Variants in HERC1 observed in about 807,000 individuals in gnomAD.
The protein encoded by HERC1 is HECT and RLD domain containing E3 ubiquitin protein ligase family member 1, also known as probable E3 ubiquitin-protein ligase HERC1.
In HERC1, 160 loss-of-function variants were observed where a neutral mutation model predicts 554.3. That is an observed-to-expected ratio of 0.29 (90% CI 0.25 to 0.33). The LOEUF (loss-of-function observed/expected upper bound fraction) is 0.33, where lower values mean the gene tolerates loss of function less well. Ranked by LOEUF, HERC1 falls within the 10% of genes least tolerant of loss-of-function variation. HERC1 has a pLI of 1.00. For missense variants in HERC1, 4,919 were observed against 5,918.5 expected (o/e 0.83, Z 5.54); for synonymous variants, 2,175 against 2,131.7 (o/e 1.02, Z -0.56).
At chr15:63,833,799 G>A (rs746982333) in intron 1 of HERC1, 28 bp downstream of exon 1, 1 of 147,248 alleles carries the variant, frequency 6.8e-6, no homozygotes, top group Non-Finnish European at 1.5e-5. Context: ...ACAGGACCAG[G>A]AGGACGGTAG....
intron 33 of HERC1, among the ~76,000 whole-genome samples, chr15:63,686,747 A>G (rs747915995): frequency 4.3e-4 from 66 of 152,334 alleles, no homozygotes; most frequent in Admixed American, 5.9e-4. Flanking sequence ...AGACAAATAC[A>G]TACTGCTAGT....
chr15:63,694,364 C>T lies in HERC1; in HGVS notation c.5428G>A (p.Ala1810Thr), dbSNP rs775442591. The T allele has an allele frequency of 9.9e-6, 16 of 1,613,844 alleles. No homozygotes were observed. Reference sequence around the variant, plus strand: ...AACCTTGTACTGGCCACTTTCAAAGCTGTGCTAAGCTGGGAAACACCCGTC... The same window carrying T: ...AACCTTGTACTGGCCACTTTCAAAGTTGTGCTAAGCTGGGAAACACCCGTC... ...PKTGVSQLST[A>T]LKVASTRLLQ... Residue 1810 changes from alanine to threonine, a missense_variant, in exon 29 of 78, where the codon GCT (alanine) becomes ACT (threonine). Physicochemically the swap from Ala to Thr is moderately conservative, Grantham distance 58. Coordinates refer to ENST00000443617, the MANE Select transcript of HERC1 (RefSeq NM_003922.4). This position sits in a 1 kb window ranked among gnomAD's most constrained non-coding sequence, Gnocchi z 4.3.
chr15:63,673,978 G>A (rs1199721206), intron 38 of HERC1, among the ~76,000 whole-genome samples: 2 of 152,164 alleles, frequency 1.3e-5, no homozygotes, highest in African/African-American at 4.8e-5. Context: ...GCCCACCTCG[G>A]CCTCCCAAAG....
chr15:63,617,507 C>T (rs995591283), intron 74 of HERC1, among the ~76,000 whole-genome samples: 8 of 152,156 alleles, frequency 5.3e-5, no homozygotes, highest in African/African-American at 1.2e-4. Context: ...GTTTTATAAT[C>T]CTTTGGGTAT....
At chr15:63,767,550 T>C (rs1455957507) in intron 2 of HERC1, among the ~76,000 whole-genome samples, 1 of 152,076 alleles carries the variant, frequency 6.6e-6, no homozygotes, top group Admixed American at 6.5e-5. Context: ...TACAAAATTT[T>C]AGCCGGGCGT....
At chr15:63,683,679 C>A (rs1302633845) in intron 34 of HERC1, among the ~76,000 whole-genome samples, 1 of 152,188 alleles carries the variant, frequency 6.6e-6, no homozygotes, top group Non-Finnish European at 1.5e-5. Context: ...GATAGGGTCT[C>A]TTTCTGTTAC....
intron 24 of HERC1, among the ~76,000 whole-genome samples, chr15:63,709,983 A>T (rs2073211402): frequency 6.6e-6 from 1 of 152,208 alleles, no homozygotes; most frequent in Non-Finnish European, 1.5e-5. Flanking sequence ...AAGGAAGCCT[A>T]GGAGAACTTT....
chr15:63,703,558 T>C (rs1403482772), intron 25 of HERC1, among the ~76,000 whole-genome samples: 1 of 152,016 alleles, frequency 6.6e-6, no homozygotes, highest in African/African-American at 2.4e-5. Flanking sequence ...ACATTTTACA[T>C]TTCCTCCTCA....
At chr15:63,641,789 G>A (rs1331442154) in intron 59 of HERC1, 146 bp from the exon 60 acceptor site, 1 of 601,222 alleles carries the variant, frequency 1.7e-6, no homozygotes, top group Non-Finnish European at 2.6e-6. Flanking sequence ...TGCTTTTAAT[G>A]CCTATGGAAC....
chr15:63,729,503 A>G lies in HERC1; in HGVS notation c.3015T>C (p.Ile1005=). Residue 1005 remains isoleucine, a synonymous_variant, in exon 15 of 78, where the codon ATT becomes ATC. Transcript: ENST00000443617. ...QLLAFCHINN[I]SENSSSVALL... is the part of the protein sequence containing the mutation. ...AAGACAAATAATCGCATACCTCACT[A>G]ATGTTATTGATATGGCAAAATGCCA... 1.2e-6 allele frequency: 2 copies of G among 1,613,440 alleles called. No individual in the cohort carries two copies. Among genetic ancestry groups the G allele is most frequent in the South Asian group, 2.2e-5 (2 of 91,072 alleles).
intron 61 of HERC1, among the ~76,000 whole-genome samples, chr15:63,639,409 G>C (rs545576527): frequency 1.3e-5 from 2 of 152,234 alleles, no homozygotes; most frequent in East Asian, 1.9e-4. Context: ...TAGTCTTGTT[G>C]CAAGTAGGCT....
rs1216606930 is a variant in HERC1, at chr15:63,626,006, C to A, written c.13254G>T (p.Leu4418=). The change falls in exon 71 of 78, where the codon CTG becomes CTT. Residue 4418 remains leucine (L), a synonymous_variant. Coordinates refer to ENST00000443617, the MANE Select transcript of HERC1 (RefSeq NM_003922.4). ...SDLMYSSWRL[L]NLSPNNQNST... is the part of the protein sequence containing the mutation. ...TTACCTGGTTGTTGGGGCTAAGGTTCAGCAGTCTCCAGGATGAGTACATGA... is the reference window on the plus strand; with the variant it reads ...TTACCTGGTTGTTGGGGCTAAGGTTAAGCAGTCTCCAGGATGAGTACATGA... 2 of 1,610,738 alleles carry A rather than the reference C, an allele frequency of 1.2e-6. No individual in the cohort carries two copies. The highest frequency in any genetic ancestry group is 1.7e-6 in the Non-Finnish European group (2 of 1,178,484).
In HERC1 at chr15:63,723,320, A is replaced by G. The variant is rs1263043620; in HGVS notation, c.3604T>C (p.Ser1202Pro). The G allele has an allele frequency of 6.3e-7, 1 of 1,594,704 alleles. No individual in the cohort carries two copies. Among genetic ancestry groups the G allele is most frequent in the Non-Finnish European group, 8.5e-7 (1 of 1,169,750 alleles). ...CMSCLLEVAL[S>P]GNEEQKPFDY... ...AAAGGCTTCTGTTCTTCATTTCCAGAAAGTGCTACTTCTAACAGGCAACTC... is the reference window on the plus strand; with the variant it reads ...AAAGGCTTCTGTTCTTCATTTCCAGGAAGTGCTACTTCTAACAGGCAACTC... Residue 1202 changes from serine to proline, a missense_variant, in exon 19 of 78, where the codon TCT (serine) becomes CCT (proline). Coordinates refer to ENST00000443617, the MANE Select transcript of HERC1 (RefSeq NM_003922.4).
Position 63,643,457 on chromosome 15 carries a change from A to G in HERC1, c.11278T>C (p.Leu3760=). The G allele has an allele frequency of 6.2e-7, 1 of 1,613,426 alleles. No individual in the cohort carries two copies. The highest frequency in any genetic ancestry group is 8.5e-7 in the Non-Finnish European group (1 of 1,179,606). Residue 3760 remains leucine, a synonymous_variant, in exon 58 of 78, where the codon TTG becomes CTG. Coordinates refer to ENST00000443617, the MANE Select transcript of HERC1 (RefSeq NM_003922.4). ...CCTAGTCCACCAGACACCAGGGCCA[A>G]CCCATCAGAACTAAAGGCAACAGTC... ...VRTVAFSSDG[L]ALVSGGLGGL...
intron 65 of HERC1, 140 bp downstream of exon 65, chr15:63,635,821 G>T: frequency 2.2e-6 from 2 of 915,018 alleles, no homozygotes; most frequent in Non-Finnish European, 3.3e-6. Flanking sequence ...GAATGAATCT[G>T]AACATCCAAA....
chr15:63,652,324 G>A, intron 52 of HERC1, 90 bp downstream of exon 52: 1 of 1,220,250 alleles, frequency 8.2e-7, no homozygotes, highest in Non-Finnish European at 1.1e-6. Context: ...AAAAATTTTA[G>A]TGACAATATG....
intron 12 of HERC1, among the ~76,000 whole-genome samples, chr15:63,735,541 T>C (rs1277926987): frequency 8.0e-6 from 1 of 125,316 alleles, no homozygotes. Flanking sequence ...ATTTAAAGTA[T>C]AAAAAAAAAA....
chr15:63,646,915 T>A (rs982612717), intron 55 of HERC1, among the ~76,000 whole-genome samples: 1 of 151,972 alleles, frequency 6.6e-6, no homozygotes. Flanking sequence ...CCAACAGGCA[T>A]ATGAAAAAAT....
intron 44 of HERC1, 45 bp downstream of exon 44, chr15:63,662,939 G>A (rs1237810559): frequency 6.9e-7 from 1 of 1,444,834 alleles, no homozygotes. Flanking sequence ...TGAACAGGAG[G>A]GCAGGAAAAT....
Sources: gnomAD v4.1 joint callset for allele counts (sites outside exome capture counted in the v4.1 genomes callset) on GRCh38, gnomAD v4.1.1 for gene constraint, Gnocchi (gnomAD v3.1) non-coding constraint, MANE v1.5 for transcripts, NCBI Gene and HGNC (gene_info 2026-07-23, HGNC 2026-07-21) for gene names.